CSMD3: variants seen among roughly 807,000 people sequenced by gnomAD.
CSMD3 encodes CUB and sushi domain-containing protein 3.
In CSMD3, 177 loss-of-function variants were observed where a neutral mutation model predicts 435.2. That is an observed-to-expected ratio of 0.41 (90% CI 0.36 to 0.46). CSMD3 has a LOEUF of 0.46. CSMD3 is among the 20% of genes least tolerant of loss of function. The pLI, the probability that CSMD3 is intolerant of heterozygous loss-of-function variation, is 0.34. For synonymous variants in CSMD3, 1,656 were observed against 1,520.5 expected (o/e 1.09, Z -2.07); for missense variants, 4,265 against 4,504.6 (o/e 0.95, Z 1.52).
intron 3 of CSMD3, among the ~76,000 whole-genome samples, chr8:113,245,226 T>A (rs1478896525): frequency 6.6e-6 from 1 of 152,094 alleles, no homozygotes; most frequent in African/African-American, 2.4e-5. Flanking sequence ...TGCCTCTTGA[T>A]TGAAATGTTG....
At chr8:112,321,906 A>T (rs952479429) in intron 45 of CSMD3, among the ~76,000 whole-genome samples, 2 of 151,726 alleles carry the variant, frequency 1.3e-5, no homozygotes, top group African/African-American at 2.4e-5. Context: ...GTAATTAGGA[A>T]TTTTGACAAT....
chr8:113,057,973 A>G (rs1172171182), intron 5 of CSMD3, among the ~76,000 whole-genome samples: 3 of 151,880 alleles, frequency 2.0e-5, no homozygotes, highest in East Asian at 3.9e-4. Flanking sequence ...TGTTTAATCT[A>G]TTATAGAATC....
intron 12 of CSMD3, among the ~76,000 whole-genome samples, chr8:112,818,227 A>C (rs940265910): frequency 6.6e-6 from 1 of 152,072 alleles, no homozygotes; most frequent in African/African-American, 2.4e-5. Flanking sequence ...AAATGTTAGA[A>C]TGTTCCATAA....
intron 8 of CSMD3, among the ~76,000 whole-genome samples, chr8:112,951,246 C>G (rs1314660302): frequency 6.6e-6 from 1 of 151,744 alleles, no homozygotes; most frequent in Non-Finnish European, 1.5e-5. Flanking sequence ...GCCATTGATG[C>G]AATTGGACAG....
chr8:113,120,008 T>TA (rs1038889089), intron 4 of CSMD3, among the ~76,000 whole-genome samples: 1 of 151,736 alleles, frequency 6.6e-6, no homozygotes, highest in African/African-American at 2.4e-5. Flanking sequence ...ATTACACAAA[T>TA]AAAAAAAATT....
intron 3 of CSMD3, among the ~76,000 whole-genome samples, chr8:113,216,265 T>C (rs951281299): frequency 3.9e-5 from 6 of 152,024 alleles, no homozygotes; most frequent in Middle Eastern, 3.4e-3. Flanking sequence ...TGATTAGTGA[T>C]AAAAAGCCAT....
chr8:112,892,331 AG>A (rs1487767848), intron 10 of CSMD3, among the ~76,000 whole-genome samples: 1 of 151,520 alleles, frequency 6.6e-6, no homozygotes, highest in African/African-American at 2.4e-5. Flanking sequence ...ATGAATTAAA[AG>A]CCTTGAGTTT....
intron 14 of CSMD3, among the ~76,000 whole-genome samples, chr8:112,689,028 G>A (rs951977207): frequency 6.6e-6 from 1 of 152,068 alleles, no homozygotes; most frequent in African/African-American, 2.4e-5. Flanking sequence ...GTATTACTAA[G>A]CTTTGGTAAA....
chr8:113,344,814 A>G (rs77678719), intron 1 of CSMD3, among the ~76,000 whole-genome samples: 5,033 of 152,238 alleles, frequency 0.033, 104 homozygotes, highest in Middle Eastern at 0.061. Flanking sequence ...ACCACTTAAT[A>G]TTAACAATCT....
rs760299458 is a variant in CSMD3 at position 112,636,813 on chromosome 8, G to A, written c.3715+4C>T. The A allele has an allele frequency of 4.3e-6, 7 of 1,611,756 alleles. No individual in the cohort carries two copies. Among genetic ancestry groups the A allele is most frequent in the Admixed American group, 1.7e-5 (1 of 59,900 alleles). Reference sequence around the variant, plus strand: ...CAAGCAAATGAAAGCAGCTGACCACGTACCCACACACCTTGGCAGAGGTGC... The same window carrying A: ...CAAGCAAATGAAAGCAGCTGACCACATACCCACACACCTTGGCAGAGGTGC... On this transcript the variant is annotated splice_donor_region_variant and intron_variant, in intron 22 of 70. Transcript: ENST00000297405.
In CSMD3 at chr8:112,289,449, T is replaced by G; in HGVS notation, c.9064A>C (p.Thr3022Pro). ...TGGCCTAAAAGGGAACGCTTTCCTG[T>G]GCAGGAATAGTGAACAGTAGACCCA... Reference protein sequence around the residue: ...TFGSTVHYSCTGKRSLLGQSS... With the variant: ...TFGSTVHYSCPGKRSLLGQSS... The change falls in exon 57 of 71, where the codon ACA (threonine) becomes CCA (proline). Residue 3022 changes from threonine to proline, a missense_variant. This residue lies in a region of CSMD3 where 3,255 missense variants were observed against 3,380.2 expected (regional missense o/e 0.96). Transcript: ENST00000297405. 6.2e-7 allele frequency: 1 copy of G among 1,613,386 alleles called. No individual in the cohort carries two copies.
chr8:112,776,890 T>C (rs1324492180), intron 13 of CSMD3, among the ~76,000 whole-genome samples: 1 of 151,768 alleles, frequency 6.6e-6, no homozygotes, highest in Non-Finnish European at 1.5e-5. Flanking sequence ...ATATACAATT[T>C]AATTTATTTT....
intron 47 of CSMD3, 67 bp downstream of exon 47, chr8:112,318,770 T>C: frequency 9.9e-7 from 1 of 1,005,230 alleles, no homozygotes; most frequent in South Asian, 1.3e-5. Context: ...TTCTCAATCA[T>C]ACCTATATTA....
chr8:112,936,299 A>T (rs1342734187), intron 9 of CSMD3, among the ~76,000 whole-genome samples: 1 of 151,820 alleles, frequency 6.6e-6, no homozygotes, highest in Non-Finnish European at 1.5e-5. Flanking sequence ...TTCCCATTTT[A>T]CTTCTGTACC....
chr8:112,560,892 T>C (rs896233581), intron 24 of CSMD3, among the ~76,000 whole-genome samples: 6 of 151,730 alleles, frequency 4.0e-5, no homozygotes, highest in Admixed American at 6.6e-5. Flanking sequence ...TTTTACCATA[T>C]ATCATTTCTC....
chr8:113,168,173 G>C (rs757174331), intron 4 of CSMD3, among the ~76,000 whole-genome samples: 2 of 151,838 alleles, frequency 1.3e-5, no homozygotes, highest in Non-Finnish European at 2.9e-5. Flanking sequence ...TTCTGGGAGT[G>C]GGTTTAAGAA....
At chr8:112,394,712 A>C (rs1182986022) in intron 35 of CSMD3, among the ~76,000 whole-genome samples, 1 of 152,246 alleles carries the variant, frequency 6.6e-6, no homozygotes. Flanking sequence ...TTGCAACTCC[A>C]GCTCCTGCTT....
At chr8:112,975,376 C>T (rs749696668) in intron 7 of CSMD3, among the ~76,000 whole-genome samples, 2 of 152,094 alleles carry the variant, frequency 1.3e-5, no homozygotes, top group Non-Finnish European at 2.9e-5. Flanking sequence ...TGTACATATT[C>T]TCAAGTACTA....
chr8:112,590,389 G>A (rs1479584268), intron 22 of CSMD3, among the ~76,000 whole-genome samples: 2 of 151,978 alleles, frequency 1.3e-5, no homozygotes, highest in African/African-American at 2.4e-5. Flanking sequence ...GAAGACAAGT[G>A]GGGTAAAAGA....
Sources: allele counts gnomAD v4.1 joint callset (sites outside exome capture counted in the v4.1 genomes callset), GRCh38; gene constraint gnomAD v4.1.1; regional missense constraint gnomAD v4.1.1; transcripts MANE v1.5; gene names NCBI Gene and HGNC (gene_info 2026-07-23, HGNC 2026-07-21).